The following FER variants were observed in gnomAD, a reference collection of about 807,000 sequenced individuals.
FER encodes the protein tyrosine-protein kinase Fer.
A neutral mutation model predicts 111.0 loss-of-function variants in FER; 63 were observed. That is an observed-to-expected ratio of 0.57 (90% confidence interval 0.46 to 0.70). The LOEUF (loss-of-function observed/expected upper bound fraction) is 0.70, where lower values mean the gene tolerates loss of function less well. Ranked by LOEUF, FER falls within the 30% of genes least tolerant of loss-of-function variation. The pLI is 0.00. For synonymous variants in FER, 327 were observed against 313.9 expected, an observed-to-expected ratio of 1.04 and a Z score of -0.44; for missense variants, 914 against 954.0, an observed-to-expected ratio of 0.96 and a Z score of 0.55.
intron 17 of FER, among the ~76,000 whole-genome samples, chr5:109,139,111 T>C (rs1355518146): frequency 6.6e-6 from 1 of 152,140 alleles, no homozygotes; most frequent in East Asian, 1.9e-4. Context: ...AGTTGAAATA[T>C]GGGGTGGAGG....
intron 16 of FER, among the ~76,000 whole-genome samples, chr5:109,052,739 T>C (rs1773021575): frequency 6.6e-6 from 1 of 152,192 alleles, no homozygotes; most frequent in African/African-American, 2.4e-5. Flanking sequence ...CTGTACATGA[T>C]AGAACATATT....
chr5:108,924,202 CA>C (rs1305150530), intron 10 of FER, among the ~76,000 whole-genome samples: 2 of 151,464 alleles, frequency 1.3e-5, no homozygotes, highest in African/African-American at 4.9e-5. Context: ...ACTAAAAATA[CA>C]AAAAAATTTA....
intron 18 of FER, among the ~76,000 whole-genome samples, chr5:109,184,494 T>C (rs1340398819): frequency 6.6e-6 from 1 of 152,210 alleles, no homozygotes; most frequent in Non-Finnish European, 1.5e-5. Context: ...TTATAAGCTT[T>C]TACTTCCAGA....
At chr5:109,171,905 A>G (rs1561987730) in intron 17 of FER, among the ~76,000 whole-genome samples, 1 of 152,226 alleles carries the variant, frequency 6.6e-6, no homozygotes, top group Non-Finnish European at 1.5e-5. Context: ...ACTGGCCATC[A>G]GAGAAATGCA....
chr5:109,172,311 T>G (rs1423769087), intron 17 of FER, among the ~76,000 whole-genome samples: 2 of 151,262 alleles, frequency 1.3e-5, no homozygotes, highest in Non-Finnish European at 2.9e-5. Flanking sequence ...GCCATAAAAA[T>G]CGATGAGTTC....
intron 8 of FER, among the ~76,000 whole-genome samples, chr5:108,878,205 C>T (rs1300472313): frequency 2.0e-5 from 3 of 152,126 alleles, no homozygotes; most frequent in Non-Finnish European, 2.9e-5. Context: ...ACATGCTGGG[C>T]TTCCTTTGTA....
chr5:108,930,628 C>T (rs1754528142), intron 10 of FER, among the ~76,000 whole-genome samples: 1 of 104,132 alleles, frequency 9.6e-6, no homozygotes, highest in African/African-American at 4.0e-5. Context: ...CCTTCCCTCT[C>T]CTTCCTTTTT....
intron 13 of FER, among the ~76,000 whole-genome samples, chr5:109,016,656 A>G (rs1767173192): frequency 2.6e-5 from 4 of 152,078 alleles, no homozygotes; most frequent in South Asian, 2.1e-4. Context: ...TTTTGTTGCA[A>G]AGCAATAGCA....
At chr5:109,004,431 A>G (rs1240753396) in intron 13 of FER, among the ~76,000 whole-genome samples, 4 of 152,206 alleles carry the variant, frequency 2.6e-5, no homozygotes, top group Non-Finnish European at 5.9e-5. Context: ...GATCCTAACC[A>G]AAACATTGAA....
intron 2 of FER, among the ~76,000 whole-genome samples, chr5:108,775,241 AT>A (rs1366857308): frequency 1.6e-4 from 24 of 152,044 alleles, no homozygotes; most frequent in African/African-American, 5.3e-4. Flanking sequence ...GTTCTGTTCC[AT>A]TTGTCTATAT....
chr5:108,997,577 T>A (rs954862274), intron 13 of FER, among the ~76,000 whole-genome samples: 1 of 152,086 alleles, frequency 6.6e-6, no homozygotes, highest in African/African-American at 2.4e-5. Flanking sequence ...CTTCTAATAC[T>A]ATGTTCAATA....
intron 3 of FER, among the ~76,000 whole-genome samples, chr5:108,821,455 AAC>A (rs1758835447): frequency 6.6e-6 from 1 of 152,140 alleles, no homozygotes; most frequent in Non-Finnish European, 1.5e-5. Flanking sequence ...CATATATGTA[AAC>A]AGTTTTTGAA....
At chr5:109,165,214 A>G (rs920472719) in intron 17 of FER, among the ~76,000 whole-genome samples, 7 of 152,320 alleles carry the variant, frequency 4.6e-5, no homozygotes, top group Admixed American at 3.3e-4. Context: ...TAAATTGTCA[A>G]TCACATGTTA....
intron 13 of FER, among the ~76,000 whole-genome samples, chr5:109,010,626 CT>C (rs1401378101): frequency 6.6e-6 from 1 of 152,150 alleles, no homozygotes; most frequent in Non-Finnish European, 1.5e-5. Flanking sequence ...CACCCCACAT[CT>C]TCTCTTCCCT....
At chr5:108,881,481 G>A (rs762759289) in intron 8 of FER, among the ~76,000 whole-genome samples, 5 of 152,100 alleles carry the variant, frequency 3.3e-5, no homozygotes, top group Non-Finnish European at 5.9e-5. Context: ...CTCACAACAC[G>A]TGGAAATTGT....
chr5:109,112,725 T>A (rs540558997), intron 17 of FER, among the ~76,000 whole-genome samples: 13 of 152,316 alleles, frequency 8.5e-5, no homozygotes, highest in African/African-American at 2.9e-4. Context: ...TTTCCCATTA[T>A]CTTTATTAAA....
At chr5:108,842,602 C>T (rs767351546) in intron 5 of FER, 4 of 152,000 alleles carry the variant, frequency 2.6e-5, no homozygotes, top group African/African-American at 4.8e-5. Flanking sequence ...AGACAATTCT[C>T]AAAAGAAGAT....
intron 17 of FER, among the ~76,000 whole-genome samples, chr5:109,150,762 AT>A (rs1158899216): frequency 6.6e-6 from 1 of 152,206 alleles, no homozygotes; most frequent in Non-Finnish European, 1.5e-5. Flanking sequence ...ATTATTGAAA[AT>A]GAAATTTCAT....
chr5:108,993,223 C>T (rs531839586), intron 13 of FER, among the ~76,000 whole-genome samples: 13 of 152,360 alleles, frequency 8.5e-5, no homozygotes, highest in East Asian at 1.9e-4. Context: ...GCTGAGATCA[C>T]GCCACTGCAC....
Sources: allele counts gnomAD v4.1 joint callset (sites outside exome capture counted in the v4.1 genomes callset), GRCh38; gene constraint gnomAD v4.1.1; transcripts MANE v1.5; gene names NCBI Gene and HGNC (gene_info 2026-07-23, HGNC 2026-07-21).